Variants in ANKS6 observed in about 807,000 individuals in gnomAD.
ANKS6 encodes the protein ankyrin repeat and sterile alpha motif domain containing 6, also known as ankyrin repeat and SAM domain-containing protein 6.
Under a neutral mutation model 77.9 loss-of-function variants are expected in ANKS6, and 47 were observed. The observed-to-expected ratio is 0.60, with a 90% confidence interval of 0.48 to 0.77. The LOEUF is 0.77. Among genes scored for constraint, ANKS6 ranks in the 30% least tolerant of loss-of-function variants. ANKS6 has a pLI of 0.00. For missense variants in ANKS6, 1,150 were observed against 1,159.1 expected (o/e 0.99, Z 0.11); for synonymous variants, 488 against 501.7 (o/e 0.97, Z 0.37).
At chr9:98,794,079 G>A (rs1047514457) in intron 1 of ANKS6, among the ~76,000 whole-genome samples, 1 of 149,762 alleles carries the variant, frequency 6.7e-6, no homozygotes, top group Admixed American at 6.6e-5. Context: ...GAACCCAGGA[G>A]GCGGAGGTTG....
intron 13 of ANKS6, among the ~76,000 whole-genome samples, chr9:98,748,025 G>A (rs1210221273): frequency 6.6e-6 from 1 of 152,184 alleles, no homozygotes; most frequent in Admixed American, 6.5e-5. Context: ...CCAAAGTTCA[G>A]CTTAGCTCTC....
chr9:98,750,434 G>C (rs565582102), intron 13 of ANKS6, among the ~76,000 whole-genome samples: 50 of 152,284 alleles, frequency 3.3e-4, no homozygotes, highest in African/African-American at 1.2e-3. Context: ...TGGACATTTG[G>C]GTCGTATCCA....
intron 1 of ANKS6, among the ~76,000 whole-genome samples, chr9:98,792,097 AC>A: frequency 1.3e-5 from 2 of 152,126 alleles, no homozygotes; most frequent in South Asian, 4.2e-4. Flanking sequence ...ATTGCCGAAG[AC>A]CTGACTGCTT....
At chr9:98,754,868 G>T (rs567942320) in intron 12 of ANKS6, among the ~76,000 whole-genome samples, 1 of 152,180 alleles carries the variant, frequency 6.6e-6, no homozygotes, top group African/African-American at 2.4e-5. Context: ...AAGAGGGAAA[G>T]AGAGTGGGTA....
At chr9:98,742,268 G>A (rs1272678378) in intron 14 of ANKS6, among the ~76,000 whole-genome samples, 9 of 152,210 alleles carry the variant, frequency 5.9e-5, no homozygotes, top group Admixed American at 5.9e-4. Context: ...TAAAGAGGCA[G>A]GAACCCTTGA....
rs1164979116 is a variant in ANKS6, at chr9:98,790,475, A to G, written c.491T>C (p.Leu164Pro). 2 of 1,613,664 alleles carry G rather than the reference A, an allele frequency of 1.2e-6. No homozygotes were observed. Among genetic ancestry groups the G allele is most frequent in the Non-Finnish European group, 8.5e-7 (1 of 1,179,974 alleles). The change falls in exon 2 of 15, where the codon CTG becomes CCG. Residue 164 changes from leucine (L) to proline (P), a missense_variant. Transcript: ENST00000353234. Reference sequence around the variant, plus strand: ...ATGGTCCACAAAGGCACCGGCTTCCAGGAGCAGCTTCACCACACCCAGGTG... The same window carrying G: ...ATGGTCCACAAAGGCACCGGCTTCCGGGAGCAGCTTCACCACACCCAGGTG... ...GGHLGVVKLL[L>P]EAGAFVDHHH...
chr9:98,792,011 G>A (rs1834928470), intron 1 of ANKS6, among the ~76,000 whole-genome samples: 2 of 152,068 alleles, frequency 1.3e-5, no homozygotes, highest in African/African-American at 2.4e-5. Flanking sequence ...CTCCAGTCTC[G>A]TTCCCTCCTG....
At chr9:98,748,222 C>T (rs1220152865) in intron 13 of ANKS6, among the ~76,000 whole-genome samples, 1 of 152,190 alleles carries the variant, frequency 6.6e-6, no homozygotes, top group Non-Finnish European at 1.5e-5. Flanking sequence ...TCTGCCTCTC[C>T]ATCTGCACTG....
intron 9 of ANKS6, among the ~76,000 whole-genome samples, chr9:98,773,486 C>T (rs1021326113): frequency 6.6e-6 from 1 of 152,206 alleles, no homozygotes; most frequent in Non-Finnish European, 1.5e-5. Context: ...CAGTAGCACA[C>T]AGAGTTGCCG....
intron 4 of ANKS6, chr9:98,783,637 C>T (rs915045578): frequency 8.2e-6 from 2 of 244,108 alleles, no homozygotes; most frequent in African/African-American, 4.5e-5. Context: ...AATGTGAAAA[C>T]TCCAATGAAT....
chr9:98,765,140 T>C (rs924985514), intron 11 of ANKS6, among the ~76,000 whole-genome samples: 5 of 152,150 alleles, frequency 3.3e-5, no homozygotes, highest in Admixed American at 6.5e-5. Context: ...GCTCTTTCCA[T>C]GAAGACAGAC....
Position 98,791,152 on chromosome 9 carries a change from C to T in ANKS6, c.360-546G>A, listed in dbSNP as rs897210948. On this transcript the variant is annotated intron_variant, in intron 1 of 14. Transcript: ENST00000353234. This position sits in a 1 kb window ranked among gnomAD's most constrained non-coding sequence, Gnocchi z 4.3. ...TGCTGCCTCCTACATTTCAGACAGT[C>T]GATTTTATTCTGCTTTATAGCCTGG... Among the ~76,000 whole-genome samples, 3 of 152,188 alleles carry T rather than the reference C, an allele frequency of 2.0e-5. No homozygotes were observed. The highest frequency in any genetic ancestry group is 4.8e-5 in the African/African-American group (2 of 41,422).
At chr9:98,759,193 TC>T (rs1287025976) in intron 11 of ANKS6, among the ~76,000 whole-genome samples, 1 of 151,986 alleles carries the variant, frequency 6.6e-6, no homozygotes, top group Non-Finnish European at 1.5e-5. Context: ...CCTTAAGTGG[TC>T]CTTTTCTAGC....
At chr9:98,779,193 T>A (rs1210160166) in intron 6 of ANKS6, among the ~76,000 whole-genome samples, 3 of 152,192 alleles carry the variant, frequency 2.0e-5, no homozygotes, top group African/African-American at 7.2e-5. Flanking sequence ...TGTTTTGTTT[T>A]CTCAGGCATA....
In ANKS6 at chr9:98,790,231, C is replaced by T. The variant is rs758350785; in HGVS notation, c.735G>A (p.Val245=). The T allele has an allele frequency of 5.6e-6, 9 of 1,607,274 alleles. No individual in the cohort carries two copies. In the East Asian group the frequency reaches 1.8e-4, roughly 32 times the overall value. The change falls in exon 2 of 15, where the codon GTG becomes GTA. Residue 245 remains valine, a synonymous_variant. Transcript: ENST00000353234. ...GGTGGTCAGGGTTGGCGCCCTTCTCCACCAGCTGCTGGGCCACTCCAAGCC... is the reference window on the plus strand; with the variant it reads ...GGTGGTCAGGGTTGGCGCCCTTCTCTACCAGCTGCTGGGCCACTCCAAGCC... The part of the protein sequence containing the change: ...TGRLGVAQQL[V]EKGANPDHLS...
Position 98,755,354 on chromosome 9 carries a change from A to G in ANKS6, c.2326+1066T>C, listed in dbSNP as rs139339823. On this transcript the variant is annotated intron_variant, in intron 12 of 14. Transcript: ENST00000353234. ...ACCTGCCTGGACCCCAGGTCTCACC[A>G]AAGCTTCCTCCCTCTTTCCCCCATC... is the stretch of plus-strand genomic sequence containing the variant. Among the ~76,000 whole-genome samples, 249 of 152,250 alleles carry G rather than the reference A, an allele frequency of 1.6e-3. 1 individual carries two copies. The highest frequency in any genetic ancestry group is 0.01 in the Middle Eastern group (3 of 294).
chr9:98,768,155 C>G lies in ANKS6; in HGVS notation c.2068G>C (p.Val690Leu), dbSNP rs1833407787. ...EQKPSHRSSPVGPAPGSSPSE... is the reference protein window; with the variant it reads ...EQKPSHRSSPLGPAPGSSPSE... ...GGGCTGGACCCCGGTGCTGGCCCCA[C>G]AGGGCTTGACCGATGGCTGGGTTTC... The change falls in exon 11 of 15, where the codon GTG (valine) becomes CTG (leucine). Residue 690 changes from valine (V) to leucine (L), a missense_variant. By Grantham distance (32) the Val-to-Leu change is conservative. Coordinates refer to ENST00000353234, the MANE Select transcript of ANKS6 (RefSeq NM_173551.5). The G allele has an allele frequency of 3.1e-6, 5 of 1,613,984 alleles. No individual in the cohort carries two copies. Among genetic ancestry groups the G allele is most frequent in the Non-Finnish European group, 4.2e-6 (5 of 1,180,004 alleles).
chr9:98,738,803 TATAGC>T (rs1410059668), intron 14 of ANKS6, among the ~76,000 whole-genome samples: 1 of 152,150 alleles, frequency 6.6e-6, no homozygotes, highest in East Asian at 1.9e-4. Flanking sequence ...CACACATGCC[TATAGC>T]AGCACAATTC....
chr9:98,788,396 G>T (rs1279679202), intron 2 of ANKS6, among the ~76,000 whole-genome samples: 1 of 151,980 alleles, frequency 6.6e-6, no homozygotes, highest in Admixed American at 6.5e-5. Context: ...CTGCGAGGGT[G>T]AGGGGAGATT....
Sources: gnomAD v4.1 joint callset for allele counts (sites outside exome capture counted in the v4.1 genomes callset) on GRCh38, gnomAD v4.1.1 for gene constraint, Gnocchi (gnomAD v3.1) non-coding constraint, MANE v1.5 for transcripts, NCBI Gene and HGNC (gene_info 2026-07-23, HGNC 2026-07-21) for gene names.